Variants in TAF4 observed in about 807,000 individuals in gnomAD.
TAF4 encodes the protein TATA-box binding protein associated factor 4.
TAF4 carries 9 observed loss-of-function variants against 90.3 expected under a neutral mutation model. The observed-to-expected ratio is 0.10, with a 90% CI of 0.06 to 0.17. TAF4 has a LOEUF of 0.17. Ranked by LOEUF, TAF4 falls within the 10% of genes least tolerant of loss-of-function variation. The pLI, the probability that TAF4 is intolerant of heterozygous loss-of-function variation, is 1.00. For missense variants in TAF4, 1,351 were observed against 1,370.7 expected (o/e 0.99, Z 0.23); for synonymous variants, 818 against 638.9 (o/e 1.28, Z -4.23).
chr20:62,006,447 A>G lies in TAF4; in HGVS notation c.2223+63T>C. ...TTTCTGAGCCGTGGCCAATTTATCT[A>G]AGAAGCGGGCGGGAGCAGAGGCACG... is the stretch of plus-strand genomic sequence containing the variant. On this transcript the variant is annotated intron_variant, in intron 7 of 14. Coordinates refer to ENST00000252996, the MANE Select transcript of TAF4 (RefSeq NM_003185.4). The surrounding 1 kb of genome is among the most constrained non-coding windows in gnomAD (Gnocchi z 7.0). 7.5e-7 allele frequency: 1 copy of G among 1,341,192 alleles called. No individual in the cohort carries two copies. Among genetic ancestry groups the G allele is most frequent in the South Asian group, 2.0e-5 (1 of 49,326 alleles). The allele number at this position is 1,341,192 out of a possible 1,614,324, so 83.1% of individuals were successfully genotyped here.
At chr20:62,013,075 C>T in intron 2 of TAF4, 141 bp from the exon 3 acceptor site, 1 of 1,248,940 alleles carries the variant, frequency 8.0e-7, no homozygotes, top group South Asian at 1.6e-5. Context: ...AATGAAGCCA[C>T]TGTAATTCTA....
At chr20:62,041,954 T>C (rs1292133778) in intron 1 of TAF4, among the ~76,000 whole-genome samples, 1 of 151,276 alleles carries the variant, frequency 6.6e-6, no homozygotes, top group Non-Finnish European at 1.5e-5. Flanking sequence ...TTCTGTAGCA[T>C]ACAGAATACT....
intron 5 of TAF4, 128 bp downstream of exon 5, chr20:62,008,924 C>A: frequency 7.7e-7 from 1 of 1,306,250 alleles, no homozygotes; most frequent in East Asian, 2.5e-5. Context: ...CTCCCCTTCG[C>A]CTGCAGCCTT....
At chr20:62,029,993 G>T (rs369830204) in intron 1 of TAF4, among the ~76,000 whole-genome samples, 1 of 152,208 alleles carries the variant, frequency 6.6e-6, no homozygotes, top group Non-Finnish European at 1.5e-5. Flanking sequence ...AGAACAGTGC[G>T]CCGCAGGGGC....
At chr20:62,032,327 A>G (rs1035589192) in intron 1 of TAF4, among the ~76,000 whole-genome samples, 6 of 152,240 alleles carry the variant, frequency 3.9e-5, no homozygotes, top group Admixed American at 1.3e-4. Context: ...GCCAGGACAC[A>G]GGACTTCTCT....
chr20:62,003,387 G>T, intron 8 of TAF4, 113 bp from the exon 9 acceptor site: 3 of 869,832 alleles, frequency 3.4e-6, no homozygotes, highest in African/African-American at 1.7e-5. Context: ...TTAGCTACAA[G>T]AAAGTTTCCA....
At chr20:62,063,030 A>G (rs1323255056) in intron 1 of TAF4, among the ~76,000 whole-genome samples, 2 of 152,238 alleles carry the variant, frequency 1.3e-5, no homozygotes, top group Non-Finnish European at 2.9e-5. Flanking sequence ...AAAGGTCAAC[A>G]TACACATAAC....
At chr20:62,054,034 G>A (rs757581054) in intron 1 of TAF4, among the ~76,000 whole-genome samples, 3 of 152,226 alleles carry the variant, frequency 2.0e-5, no homozygotes, top group South Asian at 2.1e-4. Flanking sequence ...CAGTAGGATC[G>A]TCGGGTGAGG....
At chr20:62,015,753 AT>A (rs2055808724) in intron 1 of TAF4, among the ~76,000 whole-genome samples, 1 of 152,142 alleles carries the variant, frequency 6.6e-6, no homozygotes, top group African/African-American at 2.4e-5. Context: ...GTTGGTCATG[AT>A]GACAAATGAG....
intron 1 of TAF4, among the ~76,000 whole-genome samples, chr20:62,031,503 T>C (rs542261190): frequency 1.3e-5 from 2 of 152,294 alleles, no homozygotes; most frequent in East Asian, 3.9e-4. Flanking sequence ...TGCTCTTTCA[T>C]CTGCAGATTC....
At chr20:62,058,951 C>T (rs566396917) in intron 1 of TAF4, among the ~76,000 whole-genome samples, 2 of 109,628 alleles carry the variant, frequency 1.8e-5, no homozygotes, top group Non-Finnish European at 3.8e-5. Flanking sequence ...GAAGGACGGA[C>T]ACAGGTCTAC....
chr20:62,064,621 G>A lies in TAF4; in HGVS notation c.1190C>T (p.Pro397Leu), dbSNP rs2056111482. ...AAVPPPAPGT[P>L]TGLPKGAAGA... ...GGCCGCGCCTTTGGGCAGCCCGGTG[G>A]GGGTCCCGGGGGCGGGCGGCGGGAC... Residue 397 changes from proline to leucine, a missense_variant, in exon 1 of 15, where the codon CCC becomes CTC. Transcript: ENST00000252996. The A allele has an allele frequency of 1.5e-6, 2 of 1,370,166 alleles. No individual in the cohort carries two copies. Among genetic ancestry groups the A allele is most frequent in the Non-Finnish European group, 9.4e-7 (1 of 1,068,260 alleles). The allele number at this position is 1,370,166 out of a possible 1,614,324, so 84.9% of individuals were successfully genotyped here. A position where few individuals can be genotyped will look rare whatever the true frequency, so the allele number is the denominator to read the frequency against.
At chr20:62,016,095 C>T (rs2055810509) in intron 1 of TAF4, among the ~76,000 whole-genome samples, 1 of 152,202 alleles carries the variant, frequency 6.6e-6, no homozygotes, top group Non-Finnish European at 1.5e-5. Context: ...GCCCACAGTG[C>T]CCAAGGACAG....
chr20:62,064,340 C>T (rs946977200), intron 1 of TAF4, 111 bp downstream of exon 1: 2 of 1,200,050 alleles, frequency 1.7e-6, no homozygotes, highest in Non-Finnish European at 2.1e-6. Context: ...GCTCCAGCCA[C>T]GGGCCTACGG....
At chr20:62,008,831 T>G (rs2296084) in intron 5 of TAF4, 63,185 of 475,432 alleles carry the variant, frequency 0.13, 6,045 homozygotes, top group East Asian at 0.46. Flanking sequence ...CCGGGAGACC[T>G]CCAGGCGCCG....
intron 1 of TAF4, among the ~76,000 whole-genome samples, chr20:62,052,523 C>G (rs1186985749): frequency 6.6e-6 from 1 of 151,982 alleles, no homozygotes; most frequent in African/African-American, 2.4e-5. Context: ...ACCCCAGCCC[C>G]AGCCCGTGTG....
intron 1 of TAF4, among the ~76,000 whole-genome samples, chr20:62,049,974 C>G (rs2145511863): frequency 6.6e-6 from 1 of 152,270 alleles, no homozygotes; most frequent in East Asian, 1.9e-4. Context: ...ACACAGCAGC[C>G]CCACGGAGCA....
chr20:62,011,076 C>T (rs1007555919), intron 3 of TAF4, among the ~76,000 whole-genome samples: 10 of 152,282 alleles, frequency 6.6e-5, no homozygotes, highest in African/African-American at 1.4e-4. Flanking sequence ...CCCGCCAGCA[C>T]GTGGGAAGCA....
chr20:62,018,138 G>C (rs879736207), intron 1 of TAF4, among the ~76,000 whole-genome samples: 2 of 152,168 alleles, frequency 1.3e-5, no homozygotes, highest in Admixed American at 6.5e-5. Context: ...AACCAAGCGC[G>C]AGTGGCCACG....
Sources: allele counts gnomAD v4.1 joint callset (sites outside exome capture counted in the v4.1 genomes callset), GRCh38; gene constraint gnomAD v4.1.1; non-coding constraint Gnocchi (gnomAD v3.1); transcripts MANE v1.5; gene names NCBI Gene and HGNC (gene_info 2026-07-23, HGNC 2026-07-21).